RSF1: variants seen among roughly 807,000 people sequenced by gnomAD.
RSF1 encodes remodeling and spacing factor 1, also known as HBV pX-associated protein 8.
Under a neutral mutation model 145.2 loss-of-function variants are expected in RSF1, and 13 were observed. The ratio of observed to expected loss-of-function variants is 0.09; its 90% CI spans 0.06 to 0.14. The LOEUF (loss-of-function observed/expected upper bound fraction) is 0.14, where lower values mean the gene tolerates loss of function less well. Among genes scored for constraint, RSF1 ranks in the 10% least tolerant of loss-of-function variants. RSF1 has a pLI of 1.00. For missense variants in RSF1, 1,517 were observed against 1,718.2 expected, an observed-to-expected ratio of 0.88 and a Z score of 2.07; for synonymous variants, 577 against 592.6, an observed-to-expected ratio of 0.97 and a Z score of 0.38.
In RSF1 at chr11:77,700,966, G is replaced by A. The variant is rs1326750976; in HGVS notation, c.2263C>T (p.Pro755Ser). 8.7e-6 allele frequency: 14 copies of A among 1,613,194 alleles called. No homozygotes were observed. The highest frequency in any genetic ancestry group is 1.2e-5 in the Non-Finnish European group (14 of 1,179,966). Residue 755 changes from proline (P) to serine (S), a missense_variant, in exon 6 of 16, where the codon CCA (proline) becomes TCA (serine). Physicochemically the swap from Pro to Ser is moderately conservative, Grantham distance 74. This residue lies in a region of RSF1 where 579 missense variants were observed against 553.5 expected (regional missense o/e 1.05). Coordinates refer to ENST00000308488, the MANE Select transcript of RSF1 (RefSeq NM_016578.4). ...KPDSPPKVLEPENKQEKTEKE... is the reference protein window; with the variant it reads ...KPDSPPKVLESENKQEKTEKE... ...TCTGTCTTCTCTTGCTTGTTTTCTGGTTCTAGAACTTTGGGGGGAGAATCG... is the reference window on the plus strand; with the variant it reads ...TCTGTCTTCTCTTGCTTGTTTTCTGATTCTAGAACTTTGGGGGGAGAATCG...
chr11:77,718,346 A>T (rs566662598), intron 5 of RSF1: 1 of 152,310 alleles, frequency 6.6e-6, no homozygotes, highest in South Asian at 2.1e-4. Flanking sequence ...TACACGTAAT[A>T]GTTTTCTCTT....
At chr11:77,863,667 G>A in the RSF1 span, among the ~76,000 whole-genome samples, 2 of 152,124 alleles carry the variant, frequency 1.3e-5, no homozygotes, top group African/African-American at 4.8e-5. Context: ...GGGATTGTAG[G>A]CATAAGCCAC....
chr11:77,764,354 T>G (rs1948204746), intron 2 of RSF1: 1 of 391,590 alleles, frequency 2.6e-6, no homozygotes, highest in South Asian at 3.9e-5. Context: ...ACATGAAAAG[T>G]CCTGAGCACA....
At chr11:77,709,660 C>T (rs1960632929) in intron 5 of RSF1, among the ~76,000 whole-genome samples, 1 of 151,960 alleles carries the variant, frequency 6.6e-6, no homozygotes, top group Non-Finnish European at 1.5e-5. Flanking sequence ...CACCATTTTG[C>T]TGTATGATAA....
In RSF1 at chr11:77,709,734, C is replaced by T. The variant is rs1410372967; in HGVS notation, c.734-7239G>A. Among the ~76,000 whole-genome samples the T allele has an allele frequency of 2.6e-5, 4 of 151,728 alleles. 1 individual carries two copies. The highest frequency in any genetic ancestry group is 2.6e-4 in the Admixed American group (4 of 15,224). On this transcript the variant is annotated intron_variant, in intron 5 of 15. Transcript: ENST00000308488. ...GTTTTTTTATTTTTAGAGACAATGT[C>T]TTGCTCTGTCACCCAGGCTAGAGTG...
At chr11:77,730,868 G>A (rs1475774531) in intron 4 of RSF1, among the ~76,000 whole-genome samples, 1 of 152,218 alleles carries the variant, frequency 6.6e-6, no homozygotes, top group East Asian at 1.9e-4. Flanking sequence ...CAGCCATGTG[G>A]AACTGTGAGT....
intron 3 of RSF1, 23 bp downstream of exon 3, chr11:77,747,013 G>A (rs934533844): frequency 4.2e-6 from 6 of 1,429,902 alleles, no homozygotes; most frequent in Non-Finnish European, 5.8e-6. Flanking sequence ...TAAAATAACT[G>A]TAACAAATAA....
intron 2 of RSF1, among the ~76,000 whole-genome samples, chr11:77,757,490 C>T (rs1239183613): frequency 6.6e-6 from 1 of 151,998 alleles, no homozygotes; most frequent in Non-Finnish European, 1.5e-5. Flanking sequence ...CCATCCTGGC[C>T]AACATGGTGA....
intron 1 of RSF1, among the ~76,000 whole-genome samples, chr11:77,807,199 T>C (rs1470837577): frequency 6.6e-6 from 1 of 152,208 alleles, no homozygotes; most frequent in Non-Finnish European, 1.5e-5. Flanking sequence ...TTCCCATACA[T>C]GCCACATTAT....
intron 2 of RSF1, chr11:77,764,172 G>T (rs1182135479): frequency 1.3e-5 from 2 of 157,548 alleles, no homozygotes; most frequent in South Asian, 1.9e-4. Flanking sequence ...GACCACTATT[G>T]GTCTGTGGCC....
At chr11:77,839,980 A>T in the RSF1 span, among the ~76,000 whole-genome samples, 5 of 152,172 alleles carry the variant, frequency 3.3e-5, no homozygotes, top group Admixed American at 3.3e-4. Flanking sequence ...CGTAAAAAAG[A>T]TGTTACATGC....
chr11:77,674,030 T>G (rs1017722923), intron 14 of RSF1, among the ~76,000 whole-genome samples: 1 of 152,180 alleles, frequency 6.6e-6, no homozygotes, highest in Non-Finnish European at 1.5e-5. Flanking sequence ...TTGTTAAAAA[T>G]TTGAATGTGT....
chr11:77,807,634 A>G (rs12417488), intron 1 of RSF1, among the ~76,000 whole-genome samples: 26,881 of 152,144 alleles, frequency 0.18, 2,962 homozygotes, highest in African/African-American at 0.29. Context: ...TAGAGTTTAA[A>G]ACAAAATTTG....
chr11:77,799,351 T>C (rs190221070), intron 1 of RSF1, among the ~76,000 whole-genome samples: 107 of 151,668 alleles, frequency 7.1e-4, no homozygotes, highest in Non-Finnish European at 1.3e-3. Context: ...CTATAAAAAA[T>C]ACAAAAATTA....
chr11:77,840,304 G>A, the RSF1 span, among the ~76,000 whole-genome samples: 288 of 152,174 alleles, frequency 1.9e-3, 4 homozygotes, highest in African/African-American at 6.7e-3. Context: ...CAAGGCAGGT[G>A]GATCACCTGA....
the RSF1 span, among the ~76,000 whole-genome samples, chr11:77,826,244 C>T: frequency 6.6e-6 from 1 of 151,994 alleles, no homozygotes; most frequent in South Asian, 2.1e-4. Flanking sequence ...TGCCTGTAGT[C>T]CCAGCTACTC....
rs567916185 is a variant in RSF1, at chr11:77,734,556, G to C, written c.578+6175C>G. 200 of 1,548,928 alleles carry C rather than the reference G, an allele frequency of 1.3e-4. 1 individual carries two copies. In the African/African-American group the frequency reaches 2.4e-3, roughly 19 times the overall value. On this transcript the variant is annotated intron_variant, in intron 4 of 15. Coordinates refer to ENST00000308488, the MANE Select transcript of RSF1 (RefSeq NM_016578.4). The stretch of plus-strand genomic sequence containing the variant: ...AGCCAGATTCGAGTGCTCCCATCTT[G>C]TGCAAGTTGGTCACATGGTCATCCA...
intron 1 of RSF1, among the ~76,000 whole-genome samples, chr11:77,808,693 C>A (rs917129319): frequency 1.5e-5 from 2 of 136,262 alleles, no homozygotes; most frequent in Admixed American, 1.5e-4. Context: ...GCCACTACGC[C>A]CGGCTAATTT....
chr11:77,690,659 C>A (rs1960129543), intron 9 of RSF1, among the ~76,000 whole-genome samples: 1 of 152,114 alleles, frequency 6.6e-6, no homozygotes, highest in Admixed American at 6.6e-5. Flanking sequence ...CTCAGGTGAT[C>A]TGCCTGCCTC....
Sources: allele counts gnomAD v4.1 joint callset (sites outside exome capture counted in the v4.1 genomes callset), GRCh38; gene constraint gnomAD v4.1.1; regional missense constraint gnomAD v4.1.1; transcripts MANE v1.5; gene names NCBI Gene and HGNC (gene_info 2026-07-23, HGNC 2026-07-21).